Variants in CADPS2 observed in about 807,000 individuals in gnomAD.
CADPS2 encodes the protein calcium dependent secretion activator 2.
Under a neutral mutation model 172.5 loss-of-function variants are expected in CADPS2, and 93 were observed. The ratio of observed to expected loss-of-function variants is 0.54; its 90% confidence interval spans 0.46 to 0.64. CADPS2 has a LOEUF of 0.64. Among genes scored for constraint, CADPS2 ranks in the 30% least tolerant of loss-of-function variants. The pLI is 0.00. For missense variants in CADPS2, 1,420 were observed against 1,565.9 expected (o/e 0.91, Z 1.57); for synonymous variants, 546 against 555.2 (o/e 0.98, Z 0.23).
chr7:122,407,422 A>T lies in CADPS2; in HGVS notation c.2746+118T>A, dbSNP rs1333476788. On this transcript the variant is annotated intron_variant, in intron 20 of 29. Coordinates refer to ENST00000449022, the MANE Select transcript of CADPS2 (RefSeq NM_017954.11). ...TAATCGGGCAGGCTGAGCAAACCTAAATGTTACCCATGCGAACTCTTGTCA... is the reference window on the plus strand; with the variant it reads ...TAATCGGGCAGGCTGAGCAAACCTATATGTTACCCATGCGAACTCTTGTCA... 2.6e-5 allele frequency: 29 copies of T among 1,116,556 alleles called. No individual in the cohort carries two copies. In the East Asian group the frequency reaches 7.2e-4, roughly 28 times the overall value. The allele number at this position is 1,116,556 out of a possible 1,614,324, so 69.2% of individuals were successfully genotyped here.
intron 2 of CADPS2, among the ~76,000 whole-genome samples, chr7:122,680,605 T>C (rs2082917509): frequency 1.3e-5 from 2 of 152,118 alleles, no homozygotes; most frequent in African/African-American, 2.4e-5. Flanking sequence ...TCCCAGCTAC[T>C]CAGGAAGCTG....
At chr7:122,773,445 G>T (rs540507891) in intron 1 of CADPS2, among the ~76,000 whole-genome samples, 1 of 152,056 alleles carries the variant, frequency 6.6e-6, no homozygotes, top group African/African-American at 2.4e-5. Context: ...TGAAAATGGA[G>T]ACATTGTTTA....
intron 27 of CADPS2, 129 bp downstream of exon 27, chr7:122,360,659 C>T: frequency 1.3e-6 from 1 of 794,472 alleles, no homozygotes; most frequent in Non-Finnish European, 2.0e-6. Flanking sequence ...TTAGTGCTTG[C>T]TTAAGGAAAA....
chr7:122,519,236 C>G (rs1216986562), intron 8 of CADPS2, among the ~76,000 whole-genome samples: 1 of 152,004 alleles, frequency 6.6e-6, no homozygotes, highest in Non-Finnish European at 1.5e-5. Flanking sequence ...TTCTATTGAA[C>G]TATTTCCAAT....
chr7:122,511,077 A>C (rs2068880), intron 9 of CADPS2, among the ~76,000 whole-genome samples: 1 of 152,208 alleles, frequency 6.6e-6, no homozygotes, highest in East Asian at 1.9e-4. Flanking sequence ...GAATAAATTC[A>C]AATTCATTAT....
chr7:122,801,540 T>C (rs1328729582), intron 1 of CADPS2, among the ~76,000 whole-genome samples: 2 of 152,246 alleles, frequency 1.3e-5, no homozygotes, highest in Non-Finnish European at 2.9e-5. Context: ...CATGTAATAG[T>C]GAAGAAATAT....
chr7:122,797,338 C>T lies in CADPS2; in HGVS notation c.340-60270G>A, dbSNP rs181079852. Among the ~76,000 whole-genome samples the T allele has an allele frequency of 6.6e-5, 10 of 152,296 alleles. No homozygotes were observed. The East Asian group carries it at 1.9e-3, about 29-fold the overall frequency. On this transcript the variant is annotated intron_variant, in intron 1 of 29. Transcript: ENST00000449022. ...GAACTATCATTTGACTCAGCAATCC[C>T]ATTACCAGGTATATACCCAAAGGAA...
intron 14 of CADPS2, among the ~76,000 whole-genome samples, chr7:122,470,306 T>C (rs2152145753): frequency 6.6e-6 from 1 of 151,762 alleles, no homozygotes; most frequent in East Asian, 1.9e-4. Context: ...AGGGGCACTA[T>C]GGGAAGAGAA....
At chr7:122,508,215 T>C (rs1262538174) in intron 9 of CADPS2, among the ~76,000 whole-genome samples, 1 of 152,056 alleles carries the variant, frequency 6.6e-6, no homozygotes, top group Non-Finnish European at 1.5e-5. Flanking sequence ...TAAACTTTTG[T>C]GGATTTTTAG....
chr7:122,541,360 C>T (rs1170092619), intron 8 of CADPS2, among the ~76,000 whole-genome samples: 1 of 40,270 alleles, frequency 2.5e-5, no homozygotes, highest in Non-Finnish European at 4.2e-5. Flanking sequence ...CCACACCCAG[C>T]TATTTTTTTT....
chr7:122,839,185 TC>T (rs1330656952), intron 1 of CADPS2, among the ~76,000 whole-genome samples: 2 of 152,200 alleles, frequency 1.3e-5, no homozygotes, highest in Non-Finnish European at 2.9e-5. Flanking sequence ...GGGAAAGGAT[TC>T]CCTATTTAAT....
intron 1 of CADPS2, among the ~76,000 whole-genome samples, chr7:122,824,146 AGAT>A (rs1444071601): frequency 6.6e-6 from 1 of 152,250 alleles, no homozygotes. Flanking sequence ...AAAAAAATAT[AGAT>A]AATACAGTAA....
intron 3 of CADPS2, among the ~76,000 whole-genome samples, chr7:122,635,350 A>T (rs963884810): frequency 6.6e-6 from 1 of 151,776 alleles, no homozygotes. Flanking sequence ...TACTATGTAT[A>T]CATGTGCCAT....
chr7:122,593,387 C>T (rs563412679), intron 6 of CADPS2, among the ~76,000 whole-genome samples: 1 of 151,944 alleles, frequency 6.6e-6, no homozygotes, highest in Non-Finnish European at 1.5e-5. Context: ...TACAATGGTA[C>T]AGAAATAGGG....
intron 29 of CADPS2, among the ~76,000 whole-genome samples, chr7:122,322,467 G>A (rs1001802781): frequency 6.6e-6 from 1 of 152,162 alleles, no homozygotes; most frequent in African/African-American, 2.4e-5. Context: ...ATTGACACTT[G>A]GATGTTCCCT....
At chr7:122,471,839 A>G (rs896378195) in intron 13 of CADPS2, among the ~76,000 whole-genome samples, 1 of 152,190 alleles carries the variant, frequency 6.6e-6, no homozygotes, top group African/African-American at 2.4e-5. Flanking sequence ...ATTTATTCAT[A>G]GGATCTAAAT....
chr7:122,837,933 G>A (rs922852165), intron 1 of CADPS2, among the ~76,000 whole-genome samples: 1 of 152,116 alleles, frequency 6.6e-6, no homozygotes, highest in African/African-American at 2.4e-5. Context: ...ATTTTATGAG[G>A]CCAGCATCAT....
At chr7:122,757,034 A>C (rs1292007391) in intron 1 of CADPS2, among the ~76,000 whole-genome samples, 1 of 152,192 alleles carries the variant, frequency 6.6e-6, no homozygotes, top group Non-Finnish European at 1.5e-5. Flanking sequence ...GATAAGTGTG[A>C]GTGCTACTTC....
intron 22 of CADPS2, among the ~76,000 whole-genome samples, chr7:122,392,091 G>A (rs1439795084): frequency 1.3e-5 from 2 of 152,070 alleles, no homozygotes; most frequent in African/African-American, 4.8e-5. Context: ...ATAAATGGAA[G>A]CTATTTTTCT....
Sources: allele counts gnomAD v4.1 joint callset (sites outside exome capture counted in the v4.1 genomes callset), GRCh38; gene constraint gnomAD v4.1.1; transcripts MANE v1.5; gene names NCBI Gene and HGNC (gene_info 2026-07-23, HGNC 2026-07-21).